MTSS1: variants seen among roughly 807,000 people sequenced by gnomAD.
MTSS1 encodes protein MTSS 1.
MTSS1 carries 18 observed loss-of-function variants against 79.0 expected under a neutral mutation model. That is an observed-to-expected ratio of 0.23 (90% CI 0.16 to 0.34). The LOEUF (loss-of-function observed/expected upper bound fraction) is 0.34, where lower values mean the gene tolerates loss of function less well. Among genes scored for constraint, MTSS1 ranks in the 10% least tolerant of loss-of-function variants. The pLI, the probability that MTSS1 is intolerant of heterozygous loss-of-function variation, is 1.00. For missense variants in MTSS1, 815 were observed against 986.2 expected, an observed-to-expected ratio of 0.83 and a Z score of 2.33; for synonymous variants, 341 against 368.6, an observed-to-expected ratio of 0.93 and a Z score of 0.86.
At chr8:124,704,319 A>G in intron 1 of MTSS1, 128 bp from the exon 2 acceptor site, 1 of 828,014 alleles carries the variant, frequency 1.2e-6, no homozygotes. Context: ...CAGGTCTGCA[A>G]TACGTTTCCC....
intron 10 of MTSS1, among the ~76,000 whole-genome samples, chr8:124,560,663 CA>C (rs1214810629): frequency 3.3e-5 from 5 of 152,038 alleles, no homozygotes; most frequent in Non-Finnish European, 5.9e-5. Context: ...AAAAAACGAA[CA>C]AAAATAAAAC....
intron 7 of MTSS1, 58 bp downstream of exon 7, chr8:124,568,321 G>C: frequency 6.4e-7 from 1 of 1,559,588 alleles, no homozygotes; most frequent in Non-Finnish European, 8.7e-7. Context: ...GATAAAATTA[G>C]AAGGAAGCCA....
At chr8:124,687,074 A>C (rs2135126911) in intron 3 of MTSS1, among the ~76,000 whole-genome samples, 1 of 152,350 alleles carries the variant, frequency 6.6e-6, no homozygotes, top group East Asian at 1.9e-4. Context: ...CTCAAGACCG[A>C]GGCTGGACTG....
chr8:124,605,708 A>T (rs1220667167), intron 3 of MTSS1, among the ~76,000 whole-genome samples: 3 of 152,044 alleles, frequency 2.0e-5, no homozygotes, highest in Admixed American at 1.3e-4. Context: ...ACCTAAAATC[A>T]GGTTTCATGC....
At chr8:124,555,061 T>C (rs185110354) in intron 13 of MTSS1, among the ~76,000 whole-genome samples, 31 of 152,274 alleles carry the variant, frequency 2.0e-4, no homozygotes, top group African/African-American at 7.5e-4. Context: ...CCCAGACTGG[T>C]CTCGAACTTC....
At chr8:124,684,107 T>C (rs1826571557) in intron 3 of MTSS1, among the ~76,000 whole-genome samples, 1 of 151,858 alleles carries the variant, frequency 6.6e-6, no homozygotes, top group Admixed American at 6.5e-5. Context: ...TTTCTTTATT[T>C]CTTTTTTTCT....
intron 1 of MTSS1, among the ~76,000 whole-genome samples, chr8:124,718,551 G>C (rs1158774229): frequency 6.6e-6 from 1 of 152,078 alleles, no homozygotes; most frequent in Non-Finnish European, 1.5e-5. Flanking sequence ...TCAGTAAACA[G>C]CCACTTCAAA....
chr8:124,712,419 T>C (rs1157912659), intron 1 of MTSS1, among the ~76,000 whole-genome samples: 1 of 152,204 alleles, frequency 6.6e-6, no homozygotes, highest in Non-Finnish European at 1.5e-5. Context: ...TGACCTACGC[T>C]GGAGTGGCTC....
At chr8:124,621,788 A>G (rs774257141) in intron 3 of MTSS1, among the ~76,000 whole-genome samples, 6 of 152,130 alleles carry the variant, frequency 3.9e-5, no homozygotes, top group Non-Finnish European at 8.8e-5. Context: ...ACCTCAAGTG[A>G]TCTGCCCACC....
intron 3 of MTSS1, among the ~76,000 whole-genome samples, chr8:124,606,671 C>T (rs1011128474): frequency 4.6e-5 from 7 of 152,098 alleles, no homozygotes; most frequent in East Asian, 3.9e-4. Context: ...CCCCCACCCC[C>T]GATCCTATAA....
chr8:124,558,530 A>G (rs139663620), intron 10 of MTSS1, among the ~76,000 whole-genome samples: 2,581 of 152,290 alleles, frequency 0.017, 24 homozygotes, highest in Middle Eastern at 0.024. Flanking sequence ...GTCATTGTCC[A>G]GCAGCCAGGC....
chr8:124,587,060 C>T (rs1055803292), intron 5 of MTSS1, among the ~76,000 whole-genome samples: 3 of 152,180 alleles, frequency 2.0e-5, no homozygotes, highest in Non-Finnish European at 4.4e-5. Flanking sequence ...AAGGAGGCTC[C>T]TGCAGGGTGG....
intron 3 of MTSS1, among the ~76,000 whole-genome samples, chr8:124,648,506 C>A (rs1819375902): frequency 6.6e-6 from 1 of 152,094 alleles, no homozygotes; most frequent in Non-Finnish European, 1.5e-5. Context: ...CAAAGCAGCC[C>A]ATCACAGCTC....
chr8:124,612,531 G>A (rs1836003258), intron 3 of MTSS1, among the ~76,000 whole-genome samples: 2 of 150,432 alleles, frequency 1.3e-5, no homozygotes, highest in African/African-American at 2.4e-5. Flanking sequence ...GGATCTTCTT[G>A]TCTTAAGCAG....
chr8:124,701,129 C>A (rs1322798960), intron 2 of MTSS1, among the ~76,000 whole-genome samples: 3 of 152,082 alleles, frequency 2.0e-5, no homozygotes, highest in Non-Finnish European at 4.4e-5. Flanking sequence ...CCCAGCTACT[C>A]AGGAGGCTGA....
intron 1 of MTSS1, among the ~76,000 whole-genome samples, chr8:124,710,948 G>C (rs1441946247): frequency 1.3e-5 from 2 of 152,204 alleles, no homozygotes; most frequent in Non-Finnish European, 2.9e-5. Context: ...AGAGAGTGGG[G>C]TTCCAGCTCA....
intron 3 of MTSS1, among the ~76,000 whole-genome samples, chr8:124,670,006 A>G (rs1341829494): frequency 6.6e-6 from 1 of 152,238 alleles, no homozygotes; most frequent in African/African-American, 2.4e-5. Context: ...TACTGTGGAT[A>G]CAGAGAACAC....
intron 6 of MTSS1, among the ~76,000 whole-genome samples, chr8:124,577,436 G>A (rs748205482): frequency 1.6e-4 from 25 of 152,184 alleles, no homozygotes; most frequent in Non-Finnish European, 3.4e-4. Flanking sequence ...TTTTAGTAGA[G>A]ATAGGGTTTT....
At chr8:124,592,217 T>G (rs1831996134) in intron 3 of MTSS1, among the ~76,000 whole-genome samples, 2 of 152,160 alleles carry the variant, frequency 1.3e-5, no homozygotes, top group African/African-American at 4.8e-5. Context: ...GCACACCTTC[T>G]CTAACATTAT....
Sources: gnomAD v4.1 joint callset for allele counts (sites outside exome capture counted in the v4.1 genomes callset) on GRCh38, gnomAD v4.1.1 for gene constraint, MANE v1.5 for transcripts, NCBI Gene and HGNC (gene_info 2026-07-23, HGNC 2026-07-21) for gene names.